DCLK2: variants seen among roughly 807,000 people sequenced by gnomAD.
The protein encoded by DCLK2 is serine/threonine-protein kinase DCLK2.
DCLK2 carries 31 observed loss-of-function variants against 78.4 expected under a neutral mutation model. The observed-to-expected ratio is 0.40, with a 90% confidence interval of 0.30 to 0.53. DCLK2 has a LOEUF of 0.53. Among genes scored for constraint, DCLK2 ranks in the 20% least tolerant of loss-of-function variants. The probability of loss-of-function intolerance (pLI) is 0.61; values close to 1 mark genes in which losing one functional copy is unlikely to be tolerated. For synonymous variants in DCLK2, 407 were observed against 374.9 expected, an observed-to-expected ratio of 1.09 and a Z score of -0.99; for missense variants, 872 against 973.7, an observed-to-expected ratio of 0.90 and a Z score of 1.39.
intron 1 of DCLK2, among the ~76,000 whole-genome samples, chr4:150,088,442 C>T (rs1729800430): frequency 6.6e-6 from 1 of 150,620 alleles, no homozygotes; most frequent in Admixed American, 6.6e-5. Flanking sequence ...TTATATATGA[C>T]AGCCTTCAGA....
At chr4:150,162,842 T>C (rs1290196820) in intron 2 of DCLK2, among the ~76,000 whole-genome samples, 2 of 152,168 alleles carry the variant, frequency 1.3e-5, no homozygotes, top group Non-Finnish European at 2.9e-5. Flanking sequence ...AAGTTTAACC[T>C]AGAAGTAGCT....
intron 10 of DCLK2, among the ~76,000 whole-genome samples, chr4:150,235,865 A>G (rs942447723): frequency 2.6e-5 from 4 of 152,232 alleles, no homozygotes; most frequent in Admixed American, 6.5e-5. Flanking sequence ...AAGCAGCATC[A>G]TAATTTAAAA....
chr4:150,102,461 C>A lies in DCLK2; in HGVS notation c.422-17C>A. On this transcript the variant is annotated splice_polypyrimidine_tract_variant and intron_variant, in intron 1 of 15. Transcript: ENST00000296550. ...ATAGAGATAATCATGCTAATAAAATCAAATTTTGCTTTTTAGGTGAGAGTT... is the reference window on the plus strand; with the variant it reads ...ATAGAGATAATCATGCTAATAAAATAAAATTTTGCTTTTTAGGTGAGAGTT... 3 of 1,603,366 alleles carry A rather than the reference C, an allele frequency of 1.9e-6. No individual in the cohort carries two copies. Among genetic ancestry groups the A allele is most frequent in the South Asian group, 1.1e-5 (1 of 89,808 alleles).
At chr4:150,201,342 A>C (rs1013885424) in intron 4 of DCLK2, among the ~76,000 whole-genome samples, 16 of 152,120 alleles carry the variant, frequency 1.1e-4, no homozygotes, top group Non-Finnish European at 2.1e-4. Context: ...CGGAAGTTGC[A>C]GGGGGAGAGG....
intron 2 of DCLK2, among the ~76,000 whole-genome samples, chr4:150,132,257 C>T (rs749861608): frequency 6.6e-6 from 1 of 152,164 alleles, no homozygotes; most frequent in Admixed American, 6.5e-5. Flanking sequence ...TTAATGGGAA[C>T]GTCATTCTCA....
intron 8 of DCLK2, among the ~76,000 whole-genome samples, chr4:150,229,946 A>G (rs368796840): frequency 1.3e-5 from 2 of 152,336 alleles, no homozygotes; most frequent in Middle Eastern, 6.8e-3. Flanking sequence ...CAAAGACTAC[A>G]TACAGGTTGC....
intron 2 of DCLK2, among the ~76,000 whole-genome samples, chr4:150,157,516 TG>T (rs879470398): frequency 0.22 from 32,749 of 148,316 alleles, 4,782 homozygotes; most frequent in East Asian, 0.28. Flanking sequence ...TTTGTTTGTT[TG>T]TTTGTTTGTT....
chr4:150,248,770 C>G (rs986510816), intron 14 of DCLK2, among the ~76,000 whole-genome samples: 1 of 152,130 alleles, frequency 6.6e-6, no homozygotes, highest in Non-Finnish European at 1.5e-5. Flanking sequence ...TTTGTGCCTT[C>G]AGGGAACGTG....
At position 150,221,635 on chromosome 4, in the gene DCLK2, T is replaced by C. The variant is rs201098370; in HGVS notation, c.1133-42T>C. ...CAAATATGTAGGAATCTGTATAAAATGCTGATGTTTTCTTTAGAATTTGCA... is the reference window on the plus strand; with the variant it reads ...CAAATATGTAGGAATCTGTATAAAACGCTGATGTTTTCTTTAGAATTTGCA... On this transcript the variant is annotated intron_variant, in intron 6 of 15. Coordinates refer to ENST00000296550, the MANE Select transcript of DCLK2 (RefSeq NM_001040260.4). 3.8e-5 allele frequency: 50 copies of C among 1,306,532 alleles called. 1 individual carries two copies. The African/African-American group carries it at 6.0e-4, about 16-fold the overall frequency. The allele number at this position is 1,306,532 out of a possible 1,614,324, so 80.9% of individuals were successfully genotyped here.
chr4:150,229,554 G>A (rs1741884359), intron 8 of DCLK2, among the ~76,000 whole-genome samples: 1 of 152,130 alleles, frequency 6.6e-6, no homozygotes, highest in Non-Finnish European at 1.5e-5. Flanking sequence ...AGAACACAGA[G>A]GAAAGGACTG....
At chr4:150,244,752 C>A (rs1459638144) in intron 12 of DCLK2, among the ~76,000 whole-genome samples, 3 of 152,166 alleles carry the variant, frequency 2.0e-5, no homozygotes, top group Non-Finnish European at 4.4e-5. Context: ...GCGGGGCAGG[C>A]CCCAACTGTC....
At chr4:150,211,313 A>AAGAGAG (rs140221411) in intron 5 of DCLK2, among the ~76,000 whole-genome samples, 3 of 148,286 alleles carry the variant, frequency 2.0e-5, no homozygotes, top group Non-Finnish European at 3.0e-5. Context: ...ACCAAGTGAT[A>AAGAGAG]AGAGAGAGAG....
At chr4:150,081,095 G>A (rs996768080) in intron 1 of DCLK2, among the ~76,000 whole-genome samples, 2 of 152,218 alleles carry the variant, frequency 1.3e-5, no homozygotes, top group East Asian at 1.9e-4. Context: ...GCAGGATCAA[G>A]GCAATGCCTG....
At chr4:150,224,403 A>C in intron 7 of DCLK2, 98 bp from the exon 8 acceptor site, 1 of 1,063,746 alleles carries the variant, frequency 9.4e-7, no homozygotes, top group Admixed American at 2.7e-5. Flanking sequence ...TCTCATCTCT[A>C]CAAAAAAAAA....
At chr4:150,247,430 C>G (rs1743405751) in intron 12 of DCLK2, among the ~76,000 whole-genome samples, 173 bp from the exon 13 acceptor site, 1 of 152,148 alleles carries the variant, frequency 6.6e-6, no homozygotes, top group African/African-American at 2.4e-5. Flanking sequence ...GGCTCATTAT[C>G]TAAAAGGAGA....
At chr4:150,196,281 G>A (rs2126409747) in intron 3 of DCLK2, among the ~76,000 whole-genome samples, 1 of 152,210 alleles carries the variant, frequency 6.6e-6, no homozygotes, top group East Asian at 1.9e-4. Context: ...CTAGGTTGTT[G>A]GCTCTTGATA....
intron 2 of DCLK2, among the ~76,000 whole-genome samples, chr4:150,174,518 G>A (rs1207770539): frequency 6.6e-6 from 1 of 152,100 alleles, no homozygotes; most frequent in Admixed American, 6.6e-5. Flanking sequence ...TTGCGGCCAC[G>A]CTTCGTTTAA....
intron 2 of DCLK2, among the ~76,000 whole-genome samples, chr4:150,158,204 C>G (rs967243580): frequency 2.6e-5 from 4 of 152,174 alleles, no homozygotes; most frequent in African/African-American, 7.2e-5. Context: ...GACTTTTCCT[C>G]TATGCATGCA....
At chr4:150,232,134 C>T (rs1296933799) in intron 8 of DCLK2, among the ~76,000 whole-genome samples, 6 of 152,160 alleles carry the variant, frequency 3.9e-5, no homozygotes, top group Non-Finnish European at 2.9e-5. Flanking sequence ...GAGTCTGTAT[C>T]TTTTTGGTAA....
Sources: gnomAD v4.1 joint callset for allele counts (sites outside exome capture counted in the v4.1 genomes callset) on GRCh38, gnomAD v4.1.1 for gene constraint, MANE v1.5 for transcripts, NCBI Gene and HGNC (gene_info 2026-07-23, HGNC 2026-07-21) for gene names.